The following DLAT variants were observed in gnomAD, a reference collection of about 807,000 sequenced individuals.
DLAT encodes dihydrolipoamide S-acetyltransferase.
In DLAT, 43 loss-of-function variants were observed where a neutral mutation model predicts 68.0. The observed-to-expected ratio is 0.63, with a 90% CI of 0.50 to 0.81. DLAT has a LOEUF of 0.81. Among genes scored for constraint, DLAT ranks in the 40% least tolerant of loss-of-function variants. The pLI is 0.00. For missense variants in DLAT, 745 were observed against 815.4 expected (o/e 0.91, Z 1.05); for synonymous variants, 265 against 288.6 (o/e 0.92, Z 0.83).
intron 11 of DLAT, among the ~76,000 whole-genome samples, chr11:112,056,433 C>T (rs1864084181): frequency 1.3e-5 from 2 of 152,166 alleles, no homozygotes; most frequent in African/African-American, 4.8e-5. Context: ...GAAATGGAGT[C>T]ATAAAATATG....
At chr11:112,050,585 C>G (rs1316185501) in intron 10 of DLAT, among the ~76,000 whole-genome samples, 3 of 152,060 alleles carry the variant, frequency 2.0e-5, no homozygotes, top group Non-Finnish European at 2.9e-5. Flanking sequence ...TTTTGTTTCT[C>G]CTTGGTTCAG....
rs1205904664 is a variant in DLAT, at chr11:112,051,120, A to G, written c.1399-114A>G. On this transcript the variant is annotated intron_variant, in intron 10 of 13. Coordinates refer to ENST00000280346, the MANE Select transcript of DLAT (RefSeq NM_001931.5). The surrounding 1 kb of genome is among the most constrained non-coding windows in gnomAD (Gnocchi z 4.3). The stretch of plus-strand genomic sequence containing the variant: ...GGGTTGACAGGTGCAGCAAACCACC[A>G]TGGCACATGTTTACCTATATAATAA... The G allele has an allele frequency of 5.7e-6, 4 of 703,806 alleles. No individual in the cohort carries two copies. The highest frequency in any genetic ancestry group is 9.5e-6 in the Non-Finnish European group (4 of 421,262). The allele number at this position is 703,806 out of a possible 1,614,324, so 43.6% of individuals were successfully genotyped here. A position where few individuals can be genotyped will look rare whatever the true frequency, so the allele number is the denominator to read the frequency against.
chr11:112,036,893 C>CT, intron 5 of DLAT: 1 of 229,918 alleles, frequency 4.3e-6, no homozygotes, highest in Non-Finnish European at 8.6e-6. Context: ...TCTTAGAGTC[C>CT]TGTGAGTCTG....
At chr11:112,047,779 G>A (rs1863399569) in intron 10 of DLAT, among the ~76,000 whole-genome samples, 1 of 152,180 alleles carries the variant, frequency 6.6e-6, no homozygotes, top group Non-Finnish European at 1.5e-5. Flanking sequence ...GGTTGTAAAT[G>A]TGTGGCATTA....
chr11:112,026,953 C>T (rs1280603137), intron 2 of DLAT, among the ~76,000 whole-genome samples: 1 of 150,374 alleles, frequency 6.7e-6, no homozygotes, highest in African/African-American at 2.4e-5. Context: ...CTGACCCCCC[C>T]ACTTCCCTCC....
chr11:112,053,571 G>T (rs1299241967), intron 11 of DLAT, among the ~76,000 whole-genome samples: 1 of 152,020 alleles, frequency 6.6e-6, no homozygotes, highest in African/African-American at 2.4e-5. Flanking sequence ...TCCTACCTCA[G>T]CCTCCTGAGT....
chr11:112,048,378 T>C (rs2137806386), intron 10 of DLAT, among the ~76,000 whole-genome samples: 1 of 152,310 alleles, frequency 6.6e-6, no homozygotes, highest in South Asian at 2.1e-4. Context: ...ACTGAGATGA[T>C]GGGGTTTTCT....
chr11:112,039,046 G>T (rs1279124351), intron 6 of DLAT, among the ~76,000 whole-genome samples, 198 bp from the exon 7 acceptor site: 1 of 152,094 alleles, frequency 6.6e-6, no homozygotes, highest in Non-Finnish European at 1.5e-5. Context: ...TGATATAGAA[G>T]TATATTGTTC....
intron 7 of DLAT, among the ~76,000 whole-genome samples, chr11:112,039,867 T>A (rs1358587509): frequency 6.6e-6 from 1 of 152,170 alleles, no homozygotes; most frequent in Non-Finnish European, 1.5e-5. Flanking sequence ...CTTGTCTGTC[T>A]GCCGCCAAAG....
intron 2 of DLAT, among the ~76,000 whole-genome samples, chr11:112,028,193 A>G (rs1862184338): frequency 6.6e-6 from 1 of 152,092 alleles, no homozygotes; most frequent in African/African-American, 2.4e-5. Flanking sequence ...TTATCTTCAC[A>G]TGAACTGTAT....
chr11:112,026,920 C>T (rs1379851175), intron 2 of DLAT, among the ~76,000 whole-genome samples: 6 of 151,366 alleles, frequency 4.0e-5, no homozygotes, highest in South Asian at 2.1e-4. Context: ...ACCTCCCGGG[C>T]GGGGCAGCTG....
At chr11:112,026,116 A>G in intron 1 of DLAT, 82 bp from the exon 2 acceptor site, 1 of 1,108,022 alleles carries the variant, frequency 9.0e-7, no homozygotes, top group South Asian at 1.3e-5. Context: ...TTTGCATGAA[A>G]TTGAATTGAA....
chr11:112,043,592 T>TTTCG, intron 8 of DLAT, 59 bp downstream of exon 8: 1 of 1,347,818 alleles, frequency 7.4e-7, no homozygotes, highest in Non-Finnish European at 1.1e-6. Context: ...TGTTAGACCA[T>TTTCG]TTCATACATT....
chr11:112,048,750 TC>T (rs1863459070), intron 10 of DLAT, among the ~76,000 whole-genome samples: 1 of 152,022 alleles, frequency 6.6e-6, no homozygotes, highest in African/African-American at 2.4e-5. Context: ...GCCAGGCTGG[TC>T]TCGAACTCTT....
Position 112,051,300 on chromosome 11 carries a change from T to G in DLAT, c.1465T>G (p.Leu489Val), listed in dbSNP as rs781833800. The G allele has an allele frequency of 2.5e-6, 4 of 1,613,658 alleles. No individual in the cohort carries two copies. The African/African-American group carries it at 4.0e-5, about 16-fold the overall frequency. ...CATAAAAGCTTCAGCTTTGGCATGT[T>G]TAAAAGTTCCCGAAGCAAATTCTTC... ...FIIKASALAC[L>V]KVPEANSSWM... Residue 489 changes from leucine to valine, a missense_variant, in exon 11 of 14, where the codon TTA (leucine) becomes GTA (valine). Transcript: ENST00000280346. This position sits in a 1 kb window ranked among gnomAD's most constrained non-coding sequence, Gnocchi z 4.3.
At position 112,029,801 on chromosome 11, in the gene DLAT, A is replaced by G. The variant is rs1555179818; in HGVS notation, c.660+856A>G. The G allele has an allele frequency of 5.7e-6, 3 of 530,380 alleles. No homozygotes were observed. The African/African-American group carries it at 5.8e-5, about 10-fold the overall frequency. The allele number at this position is 530,380 out of a possible 1,614,324, so 32.9% of individuals were successfully genotyped here. A position where few individuals can be genotyped will look rare whatever the true frequency, so the allele number is the denominator to read the frequency against. On this transcript the variant is annotated intron_variant, in intron 4 of 13. Coordinates refer to ENST00000280346, the MANE Select transcript of DLAT (RefSeq NM_001931.5). ...GATTATCTTACTCAAGAACACCACC[A>G]AGAAGGGAAGGCCTAATTCAGTCTT...
intron 13 of DLAT, chr11:112,061,463 T>C: frequency 2.7e-6 from 1 of 375,464 alleles, no homozygotes; most frequent in South Asian, 3.1e-5. Context: ...ACTGGAAATT[T>C]GTGGAATTGT....
chr11:112,035,935 C>T (rs1319051521), intron 5 of DLAT, among the ~76,000 whole-genome samples: 7 of 134,506 alleles, frequency 5.2e-5, no homozygotes, highest in East Asian at 2.2e-4. Flanking sequence ...GGATTACAGG[C>T]GCCTGCCACC....
chr11:112,030,130 C>A, intron 4 of DLAT: 1 of 725,566 alleles, frequency 1.4e-6, no homozygotes. Flanking sequence ...TCTCCATTAA[C>A]AAAATCTCCA....
Sources: gnomAD v4.1 joint callset for allele counts (sites outside exome capture counted in the v4.1 genomes callset) on GRCh38, gnomAD v4.1.1 for gene constraint, Gnocchi (gnomAD v3.1) non-coding constraint, MANE v1.5 for transcripts, NCBI Gene and HGNC (gene_info 2026-07-23, HGNC 2026-07-21) for gene names.